The following XKR6 variants were observed in gnomAD, a reference collection of about 807,000 sequenced individuals.
XKR6 encodes XK-related protein 6.
A neutral mutation model predicts 56.7 loss-of-function variants in XKR6; 22 were observed. The ratio of observed to expected loss-of-function variants is 0.39; its 90% CI spans 0.28 to 0.55. The LOEUF is 0.55. Ranked by LOEUF, XKR6 falls within the 20% of genes least tolerant of loss-of-function variation. XKR6 has a pLI of 0.66. For synonymous variants in XKR6, 524 were observed against 387.8 expected (o/e 1.35, Z -4.13); for missense variants, 852 against 889.0 (o/e 0.96, Z 0.53).
At chr8:10,937,935 C>G (rs1204343475) in intron 1 of XKR6, among the ~76,000 whole-genome samples, 75 of 151,454 alleles carry the variant, frequency 5.0e-4, no homozygotes, top group East Asian at 3.9e-4. Flanking sequence ...CCACCCAGTT[C>G]GAGCTTCCCG....
rs148159062 is a variant in XKR6 at position 10,962,084 on chromosome 8, T to A, written c.765-37254A>T. Reference sequence around the variant, plus strand: ...ATTCTTTGAAGTACAATGAAAAGTGTCTTGGCCTAATCATGACTTTCCGCG... The same window carrying A: ...ATTCTTTGAAGTACAATGAAAAGTGACTTGGCCTAATCATGACTTTCCGCG... On this transcript the variant is annotated intron_variant, in intron 1 of 2. Transcript: ENST00000416569. Among the ~76,000 whole-genome samples the A allele has an allele frequency of 5.1e-3, 771 of 152,330 alleles. 9 individuals are homozygous for A. The highest frequency in any genetic ancestry group is 0.018 in the African/African-American group (737 of 41,576).
At chr8:10,932,358 C>G (rs1801076021) in intron 1 of XKR6, among the ~76,000 whole-genome samples, 2 of 151,890 alleles carry the variant, frequency 1.3e-5, no homozygotes, top group African/African-American at 4.8e-5. Flanking sequence ...TCTAGGTATT[C>G]TAGAAATGAA....
intron 1 of XKR6, among the ~76,000 whole-genome samples, chr8:11,019,664 A>T (rs1798705864): frequency 6.6e-6 from 1 of 152,166 alleles, no homozygotes; most frequent in Non-Finnish European, 1.5e-5. Flanking sequence ...GACCGCCAAG[A>T]CATGGTGAGC....
chr8:11,097,738 C>A lies in XKR6; in HGVS notation c.764+102838G>T, dbSNP rs576611838. The stretch of plus-strand genomic sequence containing the variant: ...AGCAGAATCGCTTGAACCCAGGAGG[C>A]GGAGGCTGCAGTGAGCCAAGATCAC... On this transcript the variant is annotated intron_variant, in intron 1 of 2. Coordinates refer to ENST00000416569, the MANE Select transcript of XKR6 (RefSeq NM_173683.4). 6.5e-5 allele frequency among the ~76,000 whole-genome samples: 9 copies of A among 138,522 alleles called. No homozygotes were observed. The South Asian group carries it at 2.1e-3, about 32-fold the overall frequency. 90.9% of individuals were successfully genotyped at this position (138,522 alleles called of 152,430 possible).
Position 11,152,351 on chromosome 8 carries a change from T to G in XKR6, c.764+48225A>C, listed in dbSNP as rs1801309318. Reference sequence around the variant, plus strand: ...TCCAGAAAACATCTGGGCATGTTGCTGGCCTTATCTACGCCAGTCAAGGTT... The same window carrying G: ...TCCAGAAAACATCTGGGCATGTTGCGGGCCTTATCTACGCCAGTCAAGGTT... On this transcript the variant is annotated intron_variant, in intron 1 of 2. Coordinates refer to ENST00000416569, the MANE Select transcript of XKR6 (RefSeq NM_173683.4). Among the ~76,000 whole-genome samples, 3 of 152,232 alleles carry G rather than the reference T, an allele frequency of 2.0e-5. No individual in the cohort carries two copies. In the South Asian group the frequency reaches 6.2e-4, roughly 32 times the overall value.
chr8:11,161,417 C>T (rs917633673), intron 1 of XKR6, among the ~76,000 whole-genome samples: 1 of 152,204 alleles, frequency 6.6e-6, no homozygotes, highest in African/African-American at 2.4e-5. Flanking sequence ...TGCCTTTGCT[C>T]ATGATGTCCC....
intron 1 of XKR6, among the ~76,000 whole-genome samples, chr8:10,974,364 G>C (rs1026930840): frequency 6.6e-6 from 1 of 152,202 alleles, no homozygotes; most frequent in African/African-American, 2.4e-5. Context: ...ACCATTGCCA[G>C]CTAATTCTCT....
chr8:10,898,447 C>A lies in XKR6; in HGVS notation c.1431G>T (p.Leu477=). Reference sequence around the variant, plus strand: ...CCACAAAGCTAATAAAGACACAACACAGTGCTGGCACCGCATAGGAGTCAG... The same window carrying A: ...CCACAAAGCTAATAAAGACACAACAAAGTGCTGGCACCGCATAGGAGTCAG... The part of the protein sequence containing the change: ...ETTDSYAVPA[L]CCVFISFVAG... The change falls in exon 3 of 3, where the codon CTG becomes CTT. Residue 477 remains leucine, a synonymous_variant. Coordinates refer to ENST00000416569, the MANE Select transcript of XKR6 (RefSeq NM_173683.4). The surrounding 1 kb of genome is among the most constrained non-coding windows in gnomAD (Gnocchi z 6.6). 1 of 1,614,044 alleles carries A rather than the reference C, an allele frequency of 6.2e-7. No homozygotes were observed. Among genetic ancestry groups the A allele is most frequent in the Non-Finnish European group, 8.5e-7 (1 of 1,180,018 alleles).
chr8:11,000,255 G>C (rs1798208006), intron 1 of XKR6, among the ~76,000 whole-genome samples: 1 of 152,214 alleles, frequency 6.6e-6, no homozygotes, highest in African/African-American at 2.4e-5. Flanking sequence ...GGACAGGAGA[G>C]CCAAAGAGCC....
chr8:10,942,727 C>T (rs1398703814), intron 1 of XKR6, among the ~76,000 whole-genome samples: 1 of 152,222 alleles, frequency 6.6e-6, no homozygotes, highest in East Asian at 1.9e-4. Flanking sequence ...CTCGCGAGCT[C>T]ACTGATGCCC....
intron 1 of XKR6, among the ~76,000 whole-genome samples, chr8:11,029,270 G>T (rs1489475752): frequency 1.3e-5 from 2 of 152,064 alleles, no homozygotes; most frequent in Non-Finnish European, 2.9e-5. Flanking sequence ...ATTTCCTTTT[G>T]TCTCTGAATG....
intron 1 of XKR6, among the ~76,000 whole-genome samples, chr8:11,122,697 T>G (rs1799515179): frequency 6.6e-6 from 1 of 152,214 alleles, no homozygotes; most frequent in African/African-American, 2.4e-5. Flanking sequence ...AGCTTAAACC[T>G]CTCCTCATGG....
At chr8:11,102,274 T>A (rs1798514052) in intron 1 of XKR6, among the ~76,000 whole-genome samples, 1 of 152,214 alleles carries the variant, frequency 6.6e-6, no homozygotes, top group Admixed American at 6.5e-5. Flanking sequence ...TCTCCCATAT[T>A]CAAATTCATT....
At chr8:10,959,807 G>A (rs1181612581) in intron 1 of XKR6, among the ~76,000 whole-genome samples, 1 of 152,210 alleles carries the variant, frequency 6.6e-6, no homozygotes, top group Non-Finnish European at 1.5e-5. Flanking sequence ...ACACCACCTT[G>A]CGCCCTTTCC....
chr8:10,915,345 G>A (rs1224243997), intron 2 of XKR6, among the ~76,000 whole-genome samples: 1 of 103,614 alleles, frequency 9.7e-6, no homozygotes, highest in Admixed American at 8.0e-5. Flanking sequence ...GCCGTTGTCA[G>A]AGCCCCCATG....
At chr8:11,108,287 C>A in intron 1 of XKR6, 1 of 456,084 alleles carries the variant, frequency 2.2e-6, no homozygotes, top group Non-Finnish European at 4.4e-6. Flanking sequence ...GACCATTTTC[C>A]TGAAAATCTG....
Position 10,979,818 on chromosome 8 carries a change from G to A in XKR6, c.765-54988C>T, listed in dbSNP as rs1797686638. Among the ~76,000 whole-genome samples, 4 of 152,292 alleles carry A rather than the reference G, an allele frequency of 2.6e-5. No individual in the cohort carries two copies. In the South Asian group the frequency reaches 8.3e-4, roughly 32 times the overall value. On this transcript the variant is annotated intron_variant, in intron 1 of 2. Coordinates refer to ENST00000416569, the MANE Select transcript of XKR6 (RefSeq NM_173683.4). ...GTGCTGCGGGGAGGGGAGATCCAGG[G>A]CTGTGCCGTCACGCACAGACTCCCA...
In XKR6 at chr8:11,063,767, G is replaced by A. The variant is rs545588842; in HGVS notation, c.764+136809C>T. ...ACGCTTGGCTCAGTAACATTTTTTG[G>A]AATCCCCCCATTCTCTTTCCCACCT... On this transcript the variant is annotated intron_variant, in intron 1 of 2. Coordinates refer to ENST00000416569, the MANE Select transcript of XKR6 (RefSeq NM_173683.4). 2.6e-3 allele frequency among the ~76,000 whole-genome samples: 402 copies of A among 152,134 alleles called. 3 individuals carry two copies. Among genetic ancestry groups the A allele is most frequent in the South Asian group, 0.015 (72 of 4,810 alleles).
chr8:11,166,213 A>G (rs1053682087), intron 1 of XKR6, among the ~76,000 whole-genome samples: 2 of 152,132 alleles, frequency 1.3e-5, no homozygotes, highest in Non-Finnish European at 2.9e-5. Flanking sequence ...ACTATCCTTC[A>G]TTTTCCAGTG....
Sources: allele counts gnomAD v4.1 joint callset (sites outside exome capture counted in the v4.1 genomes callset), GRCh38; gene constraint gnomAD v4.1.1; non-coding constraint Gnocchi (gnomAD v3.1); transcripts MANE v1.5; gene names NCBI Gene and HGNC (gene_info 2026-07-23, HGNC 2026-07-21).